The following MTMR10 variants were observed in gnomAD, a reference collection of about 807,000 sequenced individuals.
MTMR10 encodes myotubularin-related protein 10.
MTMR10 carries 56 observed loss-of-function variants against 88.1 expected under a neutral mutation model. The observed-to-expected ratio is 0.64, with a 90% confidence interval of 0.51 to 0.79. The LOEUF (loss-of-function observed/expected upper bound fraction) is 0.79, where lower values mean the gene tolerates loss of function less well. Ranked by LOEUF, MTMR10 falls within the 30% of genes least tolerant of loss-of-function variation. The pLI is 0.00. For synonymous variants in MTMR10, 380 were observed against 340.9 expected, an observed-to-expected ratio of 1.11 and a Z score of -1.26; for missense variants, 883 against 924.7, an observed-to-expected ratio of 0.95 and a Z score of 0.58.
intron 6 of MTMR10, among the ~76,000 whole-genome samples, chr15:30,966,299 G>A (rs2063471574): frequency 6.6e-6 from 1 of 152,226 alleles, no homozygotes; most frequent in South Asian, 2.1e-4. Context: ...CTAAAGTACT[G>A]TAAACCAGAG....
chr15:30,942,330 C>T (rs2063082722), intron 15 of MTMR10: 4 of 535,838 alleles, frequency 7.5e-6, no homozygotes, highest in Non-Finnish European at 1.3e-5. Flanking sequence ...CACTAATTTG[C>T]TTAAGGATAA....
Position 30,961,657 on chromosome 15 carries a change from TC to T in MTMR10, c.566-585del, listed in dbSNP as rs372329774. Among the ~76,000 whole-genome samples, 187 of 152,282 alleles carry T rather than the reference TC, an allele frequency of 1.2e-3. 1 individual carries two copies. Among genetic ancestry groups the T allele is most frequent in the Middle Eastern group, 6.8e-3 (2 of 294 alleles). Reference sequence around the variant, plus strand: ...TTCTCTGCCTTCAAACGTAAACAGGTCAGTCAACATGATATTGAAAACACTT... The same window carrying T: ...TTCTCTGCCTTCAAACGTAAACAGGTAGTCAACATGATATTGAAAACACTT... On this transcript the variant is annotated intron_variant, in intron 6 of 15. Transcript: ENST00000435680.
rs549859436 is a variant in MTMR10, at chr15:30,978,373, GAA to G, written c.122-1420_122-1419del. On this transcript the variant is annotated intron_variant, in intron 2 of 15. Transcript: ENST00000435680. ...TGTCTGGCACAGGGTAGGTGCCTGT[GAA>G]AAGAGTGCTGAATGCAAGAATGAAT... is the stretch of plus-strand genomic sequence containing the variant. Among the ~76,000 whole-genome samples, 60 of 152,320 alleles carry G rather than the reference GAA, an allele frequency of 3.9e-4. 1 individual carries two copies. The highest frequency in any genetic ancestry group is 1.3e-3 in the African/African-American group (53 of 41,568).
the MTMR10 span, chr15:30,925,884 G>C: frequency 6.2e-6 from 10 of 1,614,104 alleles, no homozygotes; most frequent in African/African-American, 1.3e-5. Context: ...CCACGGTCCT[G>C]TGCTCTGTGG....
Position 30,966,138 on chromosome 15 carries a change from G to A in MTMR10, c.565+1782C>T, listed in dbSNP as rs187990389. ...TGTTTATGAGGTACTTGTCAAAGGA[G>A]GAGTCTGAAGGATGTAATATAAAAA... On this transcript the variant is annotated intron_variant, in intron 6 of 15. Coordinates refer to ENST00000435680, the MANE Select transcript of MTMR10 (RefSeq NM_017762.3). 9.3e-4 allele frequency: 356 copies of A among 381,796 alleles called. 3 individuals carry two copies. The highest frequency in any genetic ancestry group is 2.2e-4 in the Non-Finnish European group (41 of 187,208). The allele number at this position is 381,796 out of a possible 1,614,324, so 23.7% of individuals were successfully genotyped here.
At chr15:30,921,522 T>C in the MTMR10 span, among the ~76,000 whole-genome samples, 1 of 152,084 alleles carries the variant, frequency 6.6e-6, no homozygotes, top group Non-Finnish European at 1.5e-5. Context: ...AATATATATA[T>C]ACAAAACAAG....
chr15:30,942,902 A>AAAAG lies in MTMR10; in HGVS notation c.1715_1718dup (p.Lys574PhefsTer2). On this transcript the variant is annotated frameshift_variant, in exon 15 of 16. Coordinates refer to ENST00000435680, the MANE Select transcript of MTMR10 (RefSeq NM_017762.3). LOFTEE classifies it low-confidence loss of function (END_TRUNC). ...AGCTGTGATTTACCTTTGTCCGTTT[A>AAAAG]AAAGACTTCACGGAGCCATTCTGTA... The AAAAG allele has an allele frequency of 6.4e-7, 1 of 1,563,766 alleles. No individual in the cohort carries two copies. The highest frequency in any genetic ancestry group is 8.7e-7 in the Non-Finnish European group (1 of 1,152,918).
chr15:30,980,985 T>C (rs986568680), intron 2 of MTMR10, among the ~76,000 whole-genome samples: 6 of 152,130 alleles, frequency 3.9e-5, no homozygotes, highest in African/African-American at 1.2e-4. Flanking sequence ...TTAATAAATG[T>C]AGGAGGAATA....
At chr15:30,919,930 AT>A in the MTMR10 span, among the ~76,000 whole-genome samples, 1 of 152,186 alleles carries the variant, frequency 6.6e-6, no homozygotes, top group African/African-American at 2.4e-5. Flanking sequence ...TCAGCTGTAT[AT>A]TTATAGAGAA....
the MTMR10 span, among the ~76,000 whole-genome samples, chr15:30,932,839 A>G: frequency 6.8e-6 from 1 of 147,328 alleles, no homozygotes; most frequent in Admixed American, 6.8e-5. Context: ...CAGCCTCCCT[A>G]GTAGCTGGGA....
chr15:30,944,885 G>A (rs562549869), intron 14 of MTMR10, among the ~76,000 whole-genome samples: 5 of 151,944 alleles, frequency 3.3e-5, no homozygotes, highest in African/African-American at 4.8e-5. Context: ...GGTGGCATGC[G>A]CCTGCAGTCC....
At chr15:30,982,699 G>T (rs1436157258) in intron 2 of MTMR10, among the ~76,000 whole-genome samples, 3 of 152,200 alleles carry the variant, frequency 2.0e-5, no homozygotes, top group African/African-American at 7.2e-5. Context: ...ATAATTAAGT[G>T]TCGAGTTAGT....
At chr15:30,966,559 G>C (rs1389965500) in intron 6 of MTMR10, among the ~76,000 whole-genome samples, 2 of 152,164 alleles carry the variant, frequency 1.3e-5, no homozygotes, top group African/African-American at 2.4e-5. Context: ...CTCTGGGTGA[G>C]GATCTTATTG....
downstream of MTMR10, among the ~76,000 whole-genome samples, chr15:30,934,277 T>G (rs1440684462): frequency 6.6e-6 from 1 of 152,170 alleles, no homozygotes; most frequent in African/African-American, 2.4e-5. Context: ...ATGATACATT[T>G]TTCCATTCTT....
intron 3 of MTMR10, among the ~76,000 whole-genome samples, chr15:30,976,310 CA>C (rs1363317997): frequency 6.6e-6 from 1 of 151,786 alleles, no homozygotes; most frequent in African/African-American, 2.4e-5. Context: ...GCTGAGGTGG[CA>C]GGATAGCTTG....
intron 9 of MTMR10, among the ~76,000 whole-genome samples, chr15:30,956,028 T>C (rs570791791): frequency 6.7e-6 from 1 of 148,998 alleles, no homozygotes; most frequent in Admixed American, 6.7e-5. Flanking sequence ...ATAGAAAAAG[T>C]AATATAAATT....
chr15:30,946,629 G>A, intron 14 of MTMR10: 1 of 664,666 alleles, frequency 1.5e-6, no homozygotes, highest in Non-Finnish European at 2.7e-6. Context: ...GGTTCGAGGT[G>A]GGTGAAATGG....
intron 12 of MTMR10, chr15:30,949,499 T>C (rs1201331898): frequency 6.6e-6 from 1 of 152,120 alleles, no homozygotes; most frequent in Non-Finnish European, 1.5e-5. Context: ...ATAAATGAGG[T>C]CAGTAAGGTT....
rs2063005256 is a variant in MTMR10, at chr15:30,940,458, C to T, written c.*1012G>A. 1 of 985,420 alleles carries T rather than the reference C, an allele frequency of 1.0e-6. No homozygotes were observed. Among genetic ancestry groups the T allele is most frequent in the Non-Finnish European group, 1.2e-6 (1 of 829,950 alleles). 61.0% of individuals were successfully genotyped at this position (985,420 alleles called of 1,614,324 possible). A position where few individuals can be genotyped will look rare whatever the true frequency, so the allele number is the denominator to read the frequency against. ...AGCATTAGGAACTATGAGAGAAGGA[C>T]ATCTGTGCAGGTGCCCAACTCGTAA... On this transcript the variant is annotated 3_prime_UTR_variant, in exon 16 of 16. Coordinates refer to ENST00000435680, the MANE Select transcript of MTMR10 (RefSeq NM_017762.3).
Sources: gnomAD v4.1 joint callset for allele counts (sites outside exome capture counted in the v4.1 genomes callset) on GRCh38, gnomAD v4.1.1 for gene constraint, MANE v1.5 for transcripts, NCBI Gene and HGNC (gene_info 2026-07-23, HGNC 2026-07-21) for gene names.